CNOT1: variants seen among roughly 807,000 people sequenced by gnomAD.
The protein encoded by CNOT1 is CCR4-associated factor 1.
A neutral mutation model predicts 273.8 loss-of-function variants in CNOT1; 15 were observed. That is an observed-to-expected ratio of 0.05 (90% confidence interval 0.04 to 0.08). The LOEUF (loss-of-function observed/expected upper bound fraction) is 0.08, where lower values mean the gene tolerates loss of function less well. CNOT1 is among the 10% of genes least tolerant of loss of function. CNOT1 has a pLI of 1.00. For synonymous variants in CNOT1, 1,022 were observed against 1,005.5 expected (o/e 1.02, Z -0.31); for missense variants, 1,644 against 2,912.2 (o/e 0.56, Z 10.02).
chr16:58,546,111 T>C (rs1239325279), intron 29 of CNOT1, among the ~76,000 whole-genome samples: 1 of 152,106 alleles, frequency 6.6e-6, no homozygotes, highest in Non-Finnish European at 1.5e-5. Flanking sequence ...TAGTTAATAA[T>C]ATGCATGAAC....
intron 1 of CNOT1, among the ~76,000 whole-genome samples, chr16:58,616,983 G>C (rs1168667824): frequency 6.6e-6 from 1 of 152,162 alleles, no homozygotes; most frequent in Admixed American, 6.6e-5. Context: ...ACACTGAAGA[G>C]CAGTAGTATC....
chr16:58,621,910 C>CAAAAA (rs58087048), intron 1 of CNOT1, among the ~76,000 whole-genome samples: 2 of 85,350 alleles, frequency 2.3e-5, no homozygotes, highest in Non-Finnish European at 4.4e-5. Context: ...GACTCCGTCT[C>CAAAAA]AAAAAAAAAA....
At chr16:58,559,180 T>C (rs969158249) in intron 17 of CNOT1, among the ~76,000 whole-genome samples, 3 of 152,164 alleles carry the variant, frequency 2.0e-5, no homozygotes, top group Non-Finnish European at 4.4e-5. Context: ...ATTTTCTACT[T>C]GTGGCGTGTC....
chr16:58,601,102 C>T (rs2042445058), intron 1 of CNOT1, among the ~76,000 whole-genome samples: 1 of 152,186 alleles, frequency 6.6e-6, no homozygotes. Flanking sequence ...TTACAGGCAA[C>T]AGCCACCATG....
At chr16:58,527,937 G>T (rs762007257) in intron 44 of CNOT1, 18 of 264,142 alleles carry the variant, frequency 6.8e-5, no homozygotes, top group Non-Finnish European at 1.2e-4. Flanking sequence ...CTGACATGGC[G>T]AAACCCCATC....
chr16:58,611,334 C>T (rs556187603), intron 1 of CNOT1, among the ~76,000 whole-genome samples: 5 of 152,098 alleles, frequency 3.3e-5, no homozygotes, highest in Admixed American at 6.6e-5. Context: ...GAGGCTGAGG[C>T]AGGGGAATTG....
chr16:58,607,312 G>A (rs74020117), intron 1 of CNOT1, among the ~76,000 whole-genome samples: 5 of 152,104 alleles, frequency 3.3e-5, no homozygotes, highest in African/African-American at 7.2e-5. Context: ...ATCCTGGACC[G>A]TGTATATAGT....
At chr16:58,546,016 T>G (rs2040248015) in intron 29 of CNOT1, among the ~76,000 whole-genome samples, 1 of 152,160 alleles carries the variant, frequency 6.6e-6, no homozygotes, top group South Asian at 2.1e-4. Flanking sequence ...GCCATCATAG[T>G]ATGCAGTTAT....
intron 23 of CNOT1, 75 bp downstream of exon 23, chr16:58,551,514 T>C (rs1419096210): frequency 2.0e-6 from 3 of 1,489,974 alleles, no homozygotes; most frequent in East Asian, 4.6e-5. Context: ...ATGATAAAAT[T>C]CTAATACATG....
At chr16:58,622,794 C>G (rs151811) in intron 1 of CNOT1, among the ~76,000 whole-genome samples, 2 of 149,998 alleles carry the variant, frequency 1.3e-5, no homozygotes, top group African/African-American at 4.9e-5. Context: ...TTGCAGTGAG[C>G]TGAGATCGCA....
chr16:58,566,452 C>A (rs2041046324), intron 16 of CNOT1, among the ~76,000 whole-genome samples: 1 of 152,140 alleles, frequency 6.6e-6, no homozygotes, highest in African/African-American at 2.4e-5. Flanking sequence ...TGCCTTCTTA[C>A]AATAAAAACA....
intron 24 of CNOT1, 116 bp downstream of exon 24, chr16:58,551,016 T>A: frequency 6.6e-7 from 1 of 1,515,488 alleles, no homozygotes. Flanking sequence ...ATATACATAT[T>A]CCCTTTGAGT....
At chr16:58,537,381 C>T (rs374521002) in intron 38 of CNOT1, among the ~76,000 whole-genome samples, 161 bp from the exon 39 acceptor site, 8 of 152,208 alleles carry the variant, frequency 5.3e-5, no homozygotes, top group Admixed American at 1.3e-4. Context: ...GTCTCTTATC[C>T]GCTTGCTCAT....
At chr16:58,544,045 C>T (rs951631980) in intron 30 of CNOT1, 142 bp from the exon 31 acceptor site, 14 of 1,373,144 alleles carry the variant, frequency 1.0e-5, no homozygotes, top group African/African-American at 7.3e-5. Context: ...ATGGAAAATT[C>T]GGGTAACAGA....
At chr16:58,536,582 C>T (rs755441089) in intron 39 of CNOT1, among the ~76,000 whole-genome samples, 6 of 151,814 alleles carry the variant, frequency 4.0e-5, no homozygotes, top group African/African-American at 1.5e-4. Flanking sequence ...TTAGAAAATA[C>T]AATAAAACAC....
At chr16:58,604,298 A>AT (rs1269308294) in intron 1 of CNOT1, among the ~76,000 whole-genome samples, 1 of 152,204 alleles carries the variant, frequency 6.6e-6, no homozygotes, top group Non-Finnish European at 1.5e-5. Flanking sequence ...CATCACAAAA[A>AT]TATTTATTTA....
intron 44 of CNOT1, among the ~76,000 whole-genome samples, chr16:58,527,395 C>T (rs897556810): frequency 6.0e-5 from 9 of 151,190 alleles, no homozygotes; most frequent in East Asian, 2.0e-4. Context: ...GGCATGGTGG[C>T]GGGCACCTGT....
chr16:58,604,828 T>TAAAAAAAAAAAAAAAAA (rs148121702), intron 1 of CNOT1, among the ~76,000 whole-genome samples: 1 of 116,918 alleles, frequency 8.6e-6, no homozygotes, highest in Non-Finnish European at 1.7e-5. Flanking sequence ...AAAAAAAAAT[T>TAAAAAAAAAAAAAAAAA]AAAAAAAAAA....
chr16:58,593,982 C>T (rs142150051), intron 2 of CNOT1, among the ~76,000 whole-genome samples: 17 of 152,278 alleles, frequency 1.1e-4, no homozygotes, highest in African/African-American at 1.7e-4. Flanking sequence ...TGGTGGCTCA[C>T]GCCTGTAATC....
Sources: allele counts gnomAD v4.1 joint callset (sites outside exome capture counted in the v4.1 genomes callset), GRCh38; gene constraint gnomAD v4.1.1; transcripts MANE v1.5; gene names NCBI Gene and HGNC (gene_info 2026-07-23, HGNC 2026-07-21).